The following RBMS3 variants were observed in gnomAD, a reference collection of about 807,000 sequenced individuals.
RBMS3 encodes RNA-binding motif, single-stranded-interacting protein 3.
A neutral mutation model predicts 66.8 loss-of-function variants in RBMS3; 27 were observed. The observed-to-expected ratio is 0.40, with a 90% CI of 0.30 to 0.56. The LOEUF (loss-of-function observed/expected upper bound fraction) is 0.56. Ranked by LOEUF, RBMS3 falls within the 20% of genes least tolerant of loss-of-function variation. The probability of loss-of-function intolerance (pLI) is 0.40; values close to 1 mark genes in which losing one functional copy is unlikely to be tolerated. For synonymous variants in RBMS3, 188 were observed against 183.0 expected (o/e 1.03, Z -0.22); for missense variants, 513 against 549.5 (o/e 0.93, Z 0.66).
In RBMS3 at chr3:30,004,019, A is replaced by C; in HGVS notation, c.*157A>C. On this transcript the variant is annotated 3_prime_UTR_variant, in exon 15 of 15. Transcript: ENST00000383767. ...GTGTTATACCTTACCCAATGAAAGC[A>C]AAGTTTTTATGTGCTGTGCAAATGG... is the stretch of plus-strand genomic sequence containing the variant. The C allele has an allele frequency of 2.0e-6, 1 of 493,584 alleles. No individual in the cohort carries two copies. The highest frequency in any genetic ancestry group is 3.5e-5 in the East Asian group (1 of 28,898). The allele number at this position is 493,584 out of a possible 1,614,324, so 30.6% of individuals were successfully genotyped here.
intron 3 of RBMS3, chr3:29,537,490 T>C (rs1265392961): frequency 1.3e-5 from 2 of 152,158 alleles, no homozygotes; most frequent in African/African-American, 4.8e-5. Flanking sequence ...CAAAGAACGA[T>C]TGAGCCATTG....
rs746284561 is a variant in RBMS3 at position 30,001,782 on chromosome 3, TTTC to T, written c.1308-2071_1308-2069del. Among the ~76,000 whole-genome samples the T allele has an allele frequency of 2.8e-4, 42 of 151,548 alleles. 1 individual carries two copies. In the South Asian group the frequency reaches 5.8e-3, roughly 21 times the overall value. On this transcript the variant is annotated intron_variant, in intron 14 of 14. Transcript: ENST00000383767. Reference sequence around the variant, plus strand: ...TTTCAAGTTATTTCTTTTTATTTTATTTCTTATTTTATTATTTATTTTATTTAT... The same window carrying T: ...TTTCAAGTTATTTCTTTTTATTTTATTTATTTTATTATTTATTTTATTTAT...
At chr3:29,815,650 T>C (rs897632705) in intron 6 of RBMS3, among the ~76,000 whole-genome samples, 6 of 152,188 alleles carry the variant, frequency 3.9e-5, no homozygotes, top group Non-Finnish European at 8.8e-5. Flanking sequence ...CGAATGCAGC[T>C]GGAGGCGATT....
chr3:29,746,709 A>C lies in RBMS3; in HGVS notation c.557+6832A>C, dbSNP rs141541524. 9.5e-4 allele frequency among the ~76,000 whole-genome samples: 145 copies of C among 152,306 alleles called. 1 individual carries two copies. Among genetic ancestry groups the C allele is most frequent in the Admixed American group, 3.6e-3 (55 of 15,292 alleles). On this transcript the variant is annotated intron_variant, in intron 5 of 14. Coordinates refer to ENST00000383767, the MANE Select transcript of RBMS3 (RefSeq NM_001003793.3). ...ATATATTCAGAGCCCTGGGTTTCAA[A>C]ACCCTAACTAACCAGTGAACCAACC...
At chr3:29,922,435 C>T (rs2060810871) in intron 10 of RBMS3, among the ~76,000 whole-genome samples, 1 of 145,668 alleles carries the variant, frequency 6.9e-6, no homozygotes, top group African/African-American at 2.6e-5. Flanking sequence ...TTCAGTGAGC[C>T]GAGATTGCGC....
Position 29,435,830 on chromosome 3 carries a change from A to C in RBMS3, c.248+915A>C, listed in dbSNP as rs373866384. ...TCTACTGAAAATACAAAAAAATTAGACGGGCATGGTGGCGGGCGCCTGTAG... is the reference window on the plus strand; with the variant it reads ...TCTACTGAAAATACAAAAAAATTAGCCGGGCATGGTGGCGGGCGCCTGTAG... On this transcript the variant is annotated intron_variant, in intron 2 of 14. Transcript: ENST00000383767. Among the ~76,000 whole-genome samples, 48 of 151,622 alleles carry C rather than the reference A, an allele frequency of 3.2e-4. No individual in the cohort carries two copies. In the East Asian group the frequency reaches 4.1e-3, roughly 13 times the overall value.
chr3:29,741,850 C>T (rs1471776667), intron 5 of RBMS3, among the ~76,000 whole-genome samples: 1 of 152,154 alleles, frequency 6.6e-6, no homozygotes, highest in Non-Finnish European at 1.5e-5. Flanking sequence ...TCTGTCCTCA[C>T]ATGGTCTTCC....
chr3:29,576,031 T>C (rs1164262472), intron 3 of RBMS3, among the ~76,000 whole-genome samples: 1 of 152,174 alleles, frequency 6.6e-6, no homozygotes, highest in Non-Finnish European at 1.5e-5. Context: ...TTTGGTCAGG[T>C]CATGTCTTCT....
chr3:29,350,905 G>A (rs900085918), intron 1 of RBMS3, among the ~76,000 whole-genome samples: 1 of 151,562 alleles, frequency 6.6e-6, no homozygotes, highest in African/African-American at 2.4e-5. Context: ...TAATACTATG[G>A]AAAGCTATAA....
chr3:29,378,420 C>T (rs1425417023), intron 1 of RBMS3, among the ~76,000 whole-genome samples: 2 of 151,072 alleles, frequency 1.3e-5, no homozygotes, highest in Admixed American at 6.6e-5. Context: ...TGCAGTGAGC[C>T]GAGATCGCGC....
At chr3:29,828,789 T>C (rs899184639) in intron 6 of RBMS3, among the ~76,000 whole-genome samples, 2 of 152,084 alleles carry the variant, frequency 1.3e-5, no homozygotes, top group African/African-American at 4.8e-5. Context: ...TTTTCCACTG[T>C]GTGTGTTTTA....
chr3:29,465,782 T>C (rs2042522967), intron 2 of RBMS3, among the ~76,000 whole-genome samples: 1 of 152,200 alleles, frequency 6.6e-6, no homozygotes, highest in Admixed American at 6.5e-5. Context: ...TTTCTGTAAG[T>C]GTTCTTTTAG....
intron 10 of RBMS3, among the ~76,000 whole-genome samples, chr3:29,900,006 G>A (rs73831085): frequency 0.022 from 3,401 of 151,746 alleles, 127 homozygotes; most frequent in African/African-American, 0.078. Context: ...GAGAGAGAGA[G>A]TGCCTGGAAA....
intron 4 of RBMS3, among the ~76,000 whole-genome samples, chr3:29,613,006 G>T (rs939514692): frequency 2.6e-5 from 4 of 152,018 alleles, no homozygotes; most frequent in Non-Finnish European, 5.9e-5. Flanking sequence ...TTCTCTATCT[G>T]CCTTGCCTTA....
At chr3:29,702,584 A>G (rs998669765) in intron 4 of RBMS3, among the ~76,000 whole-genome samples, 1 of 152,180 alleles carries the variant, frequency 6.6e-6, no homozygotes, top group African/African-American at 2.4e-5. Flanking sequence ...GCTGTAACTC[A>G]CCACAAAGGT....
chr3:29,373,923 A>G (rs975600087), intron 1 of RBMS3, among the ~76,000 whole-genome samples: 3 of 152,184 alleles, frequency 2.0e-5, no homozygotes, highest in African/African-American at 7.2e-5. Flanking sequence ...TATCCTGCCT[A>G]GTAAATGTGG....
chr3:29,709,065 C>T (rs961537643), intron 4 of RBMS3, among the ~76,000 whole-genome samples: 3 of 152,278 alleles, frequency 2.0e-5, no homozygotes, highest in South Asian at 2.1e-4. Flanking sequence ...GTCCGATCTG[C>T]GTCACAGCTT....
At chr3:29,425,562 A>G (rs573809640) in intron 1 of RBMS3, among the ~76,000 whole-genome samples, 5 of 149,222 alleles carry the variant, frequency 3.4e-5, no homozygotes, top group South Asian at 4.2e-4. Context: ...TGCTTGAACC[A>G]AGGTGGTGGA....
chr3:29,481,951 T>A (rs962613718), intron 2 of RBMS3, among the ~76,000 whole-genome samples: 7 of 152,202 alleles, frequency 4.6e-5, no homozygotes, highest in Non-Finnish European at 1.0e-4. Flanking sequence ...TTACAGTTGC[T>A]ATAGAAAACA....
Sources: gnomAD v4.1 joint callset for allele counts (sites outside exome capture counted in the v4.1 genomes callset) on GRCh38, gnomAD v4.1.1 for gene constraint, MANE v1.5 for transcripts, NCBI Gene and HGNC (gene_info 2026-07-23, HGNC 2026-07-21) for gene names.